The following SHOX variants were observed in gnomAD, a reference collection of about 807,000 sequenced individuals.
SHOX encodes the protein short stature homeobox protein.
SHOX carries 12 observed loss-of-function variants against 29.6 expected under a neutral mutation model. The observed-to-expected ratio is 0.41, with a 90% CI of 0.26 to 0.66. The LOEUF is 0.66. Among genes scored for constraint, SHOX ranks in the 30% least tolerant of loss-of-function variants. The pLI, the probability that SHOX is intolerant of heterozygous loss-of-function variation, is 0.35. For missense variants in SHOX, 499 were observed against 437.7 expected (o/e 1.14, Z -1.25); for synonymous variants, 214 against 200.6 (o/e 1.07, Z -0.57).
chrX:631,217 G>A, intron 1 of SHOX, 43 bp downstream of exon 1: 1 of 1,608,850 alleles, frequency 6.2e-7, no homozygotes, highest in Non-Finnish European at 8.5e-7. Flanking sequence ...CCCTCCTGGG[G>A]TTCGGCGCCT....
At position 649,903 on chromosome X, in the gene SHOX, C is replaced by A. The variant is rs1455811874; in HGVS notation, c.*5267C>A. The stretch of plus-strand genomic sequence containing the variant: ...CTGGTGAAATCTGTTTCTGACATAT[C>A]CACTTTTCTCTCTCTTTTCTCTCTC... On this transcript the variant is annotated 3_prime_UTR_variant, in exon 5 of 5. Coordinates refer to ENST00000686671, the MANE Select transcript of SHOX (RefSeq NM_000451.4). 1 of 456,058 alleles carries A rather than the reference C, an allele frequency of 2.2e-6. No homozygotes were observed. The highest frequency in any genetic ancestry group is 1.5e-5 in the South Asian group (1 of 64,558). 28.3% of individuals were successfully genotyped at this position (456,058 alleles called of 1,614,324 possible).
chrX:649,477 C>G lies in SHOX; in HGVS notation c.*4841C>G, dbSNP rs113207269. On this transcript the variant is annotated 3_prime_UTR_variant, in exon 5 of 5. Coordinates refer to ENST00000686671, the MANE Select transcript of SHOX (RefSeq NM_000451.4). ...CATTCAGCATGGAAACAACATACGT[C>G]TCTCCACAGGAGGTGAGAAATTGAA... Among the ~76,000 whole-genome samples the G allele has an allele frequency of 0.065, 9,924 of 152,214 alleles. 433 individuals are homozygous for G. The highest frequency in any genetic ancestry group is 0.13 in the South Asian group (630 of 4,810).
intron 2 of SHOX, 124 bp from the exon 3 acceptor site, chrX:640,697 A>G: frequency 9.7e-7 from 1 of 1,034,690 alleles, no homozygotes; most frequent in Admixed American, 1.8e-5. Flanking sequence ...GGCGCCCACC[A>G]TCAGTCACCT....
upstream of SHOX, among the ~76,000 whole-genome samples, chrX:626,846 GTC>G (rs2052547996): frequency 8.0e-6 from 1 of 124,854 alleles, no homozygotes; most frequent in Non-Finnish European, 1.7e-5. Context: ...TTCTGTCTCT[GTC>G]TCTCTGTCTG....
intron 4 of SHOX, among the ~76,000 whole-genome samples, chrX:643,082 G>A (rs2124188771): frequency 6.6e-6 from 1 of 150,662 alleles, no homozygotes. Context: ...GGAGAGCCTT[G>A]GGGACCTGGT....
At chrX:625,187 C>A (rs1241228923) in intron 1 of SHOX, among the ~76,000 whole-genome samples, 1 of 128,550 alleles carries the variant, frequency 7.8e-6, no homozygotes. Context: ...CCTTCATCGT[C>A]CCTCCTCCTC....
intron 1 of SHOX, chrX:632,047 T>C: frequency 2.2e-6 from 1 of 453,974 alleles, no homozygotes; most frequent in South Asian, 1.6e-5. Context: ...AACCCTTCAT[T>C]ATTATTTCAT....
rs981580149 is a variant in SHOX at position 634,503 on chromosome X, T to G, written c.278-115T>G. The G allele has an allele frequency of 1.4e-5, 16 of 1,163,728 alleles. No individual in the cohort carries two copies. The African/African-American group carries it at 2.3e-4, about 17-fold the overall frequency. The allele number at this position is 1,163,728 out of a possible 1,614,324, so 72.1% of individuals were successfully genotyped here. On this transcript the variant is annotated intron_variant, in intron 1 of 4. Coordinates refer to ENST00000686671, the MANE Select transcript of SHOX (RefSeq NM_000451.4). ...TTATGGACCCCACGCAGTTTTTGCG[T>G]CAAAGCGCATTGGTTTTCGAGGGCC... is the stretch of plus-strand genomic sequence containing the variant.
At chrX:643,066 G>A in intron 4 of SHOX, among the ~76,000 whole-genome samples, 1 of 145,850 alleles carries the variant, frequency 6.9e-6, no homozygotes, top group Non-Finnish European at 1.5e-5. Flanking sequence ...GGGATCTGGT[G>A]TCCCGGGAGA....
chrX:652,884 T>TTGAC (rs1242743994), downstream of SHOX, among the ~76,000 whole-genome samples: 2 of 151,826 alleles, frequency 1.3e-5, no homozygotes, highest in Non-Finnish European at 2.9e-5. Flanking sequence ...ATCTCCAGCC[T>TTGAC]GTTTTTTAGG....
At chrX:637,164 G>A (rs1569494175) in intron 2 of SHOX, among the ~76,000 whole-genome samples, 1 of 151,818 alleles carries the variant, frequency 6.6e-6, no homozygotes, top group Admixed American at 6.6e-5. Flanking sequence ...GGGCGTCTGT[G>A]GCCTCAGTGA....
At chrX:655,991 C>T (rs146488985), downstream of SHOX, among the ~76,000 whole-genome samples, 1 of 147,682 alleles carries the variant, frequency 6.8e-6, no homozygotes, top group South Asian at 2.2e-4. Context: ...CAGCCCGTGC[C>T]ACATGGTGAA....
downstream of SHOX, among the ~76,000 whole-genome samples, chrX:652,151 C>T (rs137868263): frequency 0.013 from 1,914 of 152,162 alleles, 33 homozygotes; most frequent in African/African-American, 0.042. Flanking sequence ...TCTCGAACTC[C>T]TGACCTCGTG....
intron 1 of SHOX, among the ~76,000 whole-genome samples, chrX:634,341 GA>G (rs1201233793): frequency 2.0e-5 from 3 of 151,606 alleles, no homozygotes; most frequent in Non-Finnish European, 4.4e-5. Context: ...AAAAAAATAA[GA>G]AAAAAAGGTT....
intron 1 of SHOX, among the ~76,000 whole-genome samples, chrX:624,858 TTTC>T (rs1156788583): frequency 2.9e-5 from 2 of 67,802 alleles, no homozygotes; most frequent in African/African-American, 1.2e-4. Flanking sequence ...TTCCTCTTTC[TTTC>T]TTTTCTTTCT....
At chrX:626,174 C>T (rs765954106), upstream of SHOX, among the ~76,000 whole-genome samples, 56 of 120,220 alleles carry the variant, frequency 4.7e-4, 1 homozygote, top group East Asian at 0.014. Context: ...CTCTGTCTCT[C>T]TTTCTCTCTG....
chrX:644,645 G>T lies in SHOX; in HGVS notation c.*9G>T, dbSNP rs1004243422. On this transcript the variant is annotated 3_prime_UTR_variant, in exon 5 of 5. Transcript: ENST00000686671. ...AGGCCCTGGGGCTCTGACCCGCCGC[G>T]CAGCCCCCCGCGCGCCCGGACTCCC... 8 of 1,452,842 alleles carry T rather than the reference G, an allele frequency of 5.5e-6. No individual in the cohort carries two copies. Among genetic ancestry groups the T allele is most frequent in the Admixed American group, 2.7e-5 (1 of 37,228 alleles). The allele number at this position is 1,452,842 out of a possible 1,614,324, so 90.0% of individuals were successfully genotyped here. A position where few individuals can be genotyped will look rare whatever the true frequency, so the allele number is the denominator to read the frequency against.
chrX:625,187 CCCTCCTCCTCCTCCTTCTCCT>C (rs1221047620), intron 1 of SHOX, among the ~76,000 whole-genome samples: 6 of 128,548 alleles, frequency 4.7e-5, no homozygotes, highest in Admixed American at 1.7e-4. Context: ...CCTTCATCGT[CCCTCCTCCTCCTCCTTCTCCT>C]CCTCCTCCTC....
At chrX:653,656 C>T (rs180686978), downstream of SHOX, among the ~76,000 whole-genome samples, 57 of 152,140 alleles carry the variant, frequency 3.7e-4, 1 homozygote, top group Non-Finnish European at 7.1e-4. Context: ...CACACGGACA[C>T]GGTTTCAATA....
Sources: allele counts gnomAD v4.1 joint callset (sites outside exome capture counted in the v4.1 genomes callset), GRCh38; gene constraint gnomAD v4.1.1; transcripts MANE v1.5; gene names NCBI Gene and HGNC (gene_info 2026-07-23, HGNC 2026-07-21).